Variants in ESF1 observed in about 807,000 individuals in gnomAD.
ESF1 encodes the protein ESF1 homolog.
Under a neutral mutation model 92.0 loss-of-function variants are expected in ESF1, and 58 were observed. That is an observed-to-expected ratio of 0.63 (90% CI 0.51 to 0.78). The LOEUF (loss-of-function observed/expected upper bound fraction) is 0.78, where lower values mean the gene tolerates loss of function less well. ESF1 is among the 30% of genes least tolerant of loss of function. ESF1 has a pLI of 0.00. For missense variants in ESF1, 922 were observed against 989.1 expected, an observed-to-expected ratio of 0.93 and a Z score of 0.91; for synonymous variants, 321 against 313.7, an observed-to-expected ratio of 1.02 and a Z score of -0.24.
intron 4 of ESF1, 141 bp downstream of exon 4, chr20:13,775,016 A>G (rs900415152): frequency 4.4e-5 from 25 of 569,850 alleles, no homozygotes; most frequent in Middle Eastern, 4.5e-4. Context: ...TACCTGTTAC[A>G]TAAGTTTCAC....
Position 13,782,617 on chromosome 20 carries a change from T to C in ESF1, c.524A>G (p.His175Arg), listed in dbSNP as rs79852288. 1.5e-4 allele frequency: 244 copies of C among 1,607,642 alleles called. 1 individual carries two copies. In the African/African-American group the frequency reaches 2.9e-3, roughly 19 times the overall value. The stretch of plus-strand genomic sequence containing the variant: ...TTCTTCGAGAGAAGAGTCTGTAGTA[T>C]GTTGAACAATGTTTTTTTTCTCTTT... ...NKKEKKNIVQHTTDSSLEEKQ... is the reference protein window; with the variant it reads ...NKKEKKNIVQRTTDSSLEEKQ... The change falls in exon 2 of 14, where the codon CAT becomes CGT. Residue 175 changes from histidine (H) to arginine (R), a missense_variant. Coordinates refer to ENST00000617257, the MANE Select transcript of ESF1 (RefSeq NM_001276380.2).
intron 5 of ESF1, among the ~76,000 whole-genome samples, 183 bp downstream of exon 5, chr20:13,772,332 C>T (rs933952667): frequency 2.6e-5 from 4 of 152,062 alleles, no homozygotes; most frequent in Admixed American, 1.3e-4. Context: ...GAAATATACA[C>T]GAACAAAAAT....
In ESF1 at chr20:13,714,937, C is replaced by T. The variant is rs200681018; in HGVS notation, c.2493G>A (p.Leu831=). 1.2e-6 allele frequency: 2 copies of T among 1,613,544 alleles called. No individual in the cohort carries two copies. Among genetic ancestry groups the T allele is most frequent in the East Asian group, 4.5e-5 (2 of 44,864 alleles). The change falls in exon 14 of 14, where the codon TTG becomes TTA. Residue 831 remains leucine, a synonymous_variant. Transcript: ENST00000617257. ...CTGTTTTGGTTTTTATAGATTTAAT[C>T]AACATTGACAAAGCAGGATCAATGG... is the stretch of plus-strand genomic sequence containing the variant. The part of the protein sequence containing the change: ...RKSIDPALSM[L]IKSIKTKTEQ...
chr20:13,720,237 T>C (rs4813138), intron 11 of ESF1, among the ~76,000 whole-genome samples: 34,002 of 151,970 alleles, frequency 0.22, 4,612 homozygotes, highest in East Asian at 0.6. Flanking sequence ...AAACACCCAA[T>C]ACTGCCCTGC....
At chr20:13,744,644 C>A (rs948869191) in intron 9 of ESF1, among the ~76,000 whole-genome samples, 3 of 152,166 alleles carry the variant, frequency 2.0e-5, no homozygotes, top group Admixed American at 6.5e-5. Flanking sequence ...AGTAATGTTT[C>A]CCCCTCAGGG....
intron 9 of ESF1, among the ~76,000 whole-genome samples, chr20:13,747,780 G>C (rs1397279052): frequency 2.0e-5 from 3 of 152,080 alleles, no homozygotes; most frequent in African/African-American, 7.2e-5. Context: ...ATGGTGTGTA[G>C]CTTACCACAC....
intron 9 of ESF1, among the ~76,000 whole-genome samples, chr20:13,754,725 C>G (rs1305003777): frequency 2.6e-5 from 4 of 152,148 alleles, no homozygotes; most frequent in Admixed American, 2.0e-4. Flanking sequence ...CAAGAATGAT[C>G]CTGTTAAATA....
At chr20:13,732,041 G>A (rs1359776783) in intron 10 of ESF1, among the ~76,000 whole-genome samples, 2 of 152,174 alleles carry the variant, frequency 1.3e-5, no homozygotes, top group Admixed American at 1.3e-4. Flanking sequence ...AAGGTCTGTG[G>A]CCACTCCAGC....
intron 9 of ESF1, among the ~76,000 whole-genome samples, chr20:13,741,749 T>A (rs1424409049): frequency 6.6e-6 from 1 of 152,184 alleles, no homozygotes; most frequent in Non-Finnish European, 1.5e-5. Flanking sequence ...ACAGCAAATA[T>A]TAACTATAAA....
intron 11 of ESF1, among the ~76,000 whole-genome samples, chr20:13,722,513 A>G (rs1188119943): frequency 6.6e-6 from 1 of 152,192 alleles, no homozygotes; most frequent in Non-Finnish European, 1.5e-5. Context: ...TTGTGTTCTA[A>G]AATATTGTCT....
intron 1 of ESF1, 41 bp from the exon 2 acceptor site, chr20:13,783,224 G>T: frequency 7.6e-7 from 1 of 1,319,808 alleles, no homozygotes; most frequent in Non-Finnish European, 1.0e-6. Flanking sequence ...ATAATGGTTA[G>T]TACAATAATT....
rs74449642 is a variant in ESF1 at position 13,754,106 on chromosome 20, T to C, written c.1828+5586A>G. Among the ~76,000 whole-genome samples the C allele has an allele frequency of 2.4e-3, 362 of 152,316 alleles. 7 individuals are homozygous for C. The East Asian group carries it at 0.054, about 23-fold the overall frequency. ...AAGAGTTGCCTCTACTTACTGTCTCTAATTCTTCTCTTCCCATTCTTCCTT... is the reference window on the plus strand; with the variant it reads ...AAGAGTTGCCTCTACTTACTGTCTCCAATTCTTCTCTTCCCATTCTTCCTT... On this transcript the variant is annotated intron_variant, in intron 9 of 13. Coordinates refer to ENST00000617257, the MANE Select transcript of ESF1 (RefSeq NM_001276380.2).
At chr20:13,729,515 A>T (rs373930061) in intron 10 of ESF1, among the ~76,000 whole-genome samples, 1 of 152,334 alleles carries the variant, frequency 6.6e-6, no homozygotes, top group African/African-American at 2.4e-5. Flanking sequence ...ATACTTTTAG[A>T]TGGGTGATCA....
chr20:13,779,825 G>A (rs1211853779), intron 2 of ESF1, among the ~76,000 whole-genome samples: 1 of 152,198 alleles, frequency 6.6e-6, no homozygotes, highest in Non-Finnish European at 1.5e-5. Flanking sequence ...GTGAGCCACT[G>A]TGCCCAGCCA....
At chr20:13,763,033 TTG>T (rs1186442830) in intron 8 of ESF1, among the ~76,000 whole-genome samples, 1 of 152,000 alleles carries the variant, frequency 6.6e-6, no homozygotes, top group African/African-American at 2.4e-5. Context: ...GCTAATTTTT[TTG>T]TGTTTTTAGT....
At position 13,715,593 on chromosome 20, in the gene ESF1, A is replaced by C. The variant is rs373960289; in HGVS notation, c.2263-426T>G. 3.3e-5 allele frequency among the ~76,000 whole-genome samples: 5 copies of C among 152,228 alleles called. No individual in the cohort carries two copies. The East Asian group carries it at 9.6e-4, about 29-fold the overall frequency. ...GGCCCTGAACTCTGAGTACATGTTAAGAAATTTTAATCTTGGTGCCAAAAT... is the reference window on the plus strand; with the variant it reads ...GGCCCTGAACTCTGAGTACATGTTACGAAATTTTAATCTTGGTGCCAAAAT... On this transcript the variant is annotated intron_variant, in intron 13 of 13. Transcript: ENST00000617257.
rs973962854 is a variant in ESF1, at chr20:13,760,967, A to C, written c.1667-1114T>G. Among the ~76,000 whole-genome samples the C allele has an allele frequency of 4.7e-3, 712 of 152,310 alleles. 7 individuals are homozygous for C. Among genetic ancestry groups the C allele is most frequent in the African/African-American group, 0.015 (617 of 41,572 alleles). On this transcript the variant is annotated intron_variant, in intron 8 of 13. Transcript: ENST00000617257. ...GGGAAAGGTGGGGAAAAGACTGAGA[A>C]ATCGGATGGTTGCTGTGTCTGTGTA...
chr20:13,762,190 A>G (rs930504980), intron 8 of ESF1, among the ~76,000 whole-genome samples: 5 of 152,190 alleles, frequency 3.3e-5, no homozygotes, highest in African/African-American at 1.2e-4. Context: ...CTGGTTAAGT[A>G]AATATTTCTA....
At chr20:13,771,816 A>T (rs941375887) in intron 5 of ESF1, among the ~76,000 whole-genome samples, 7 of 152,234 alleles carry the variant, frequency 4.6e-5, no homozygotes, top group African/African-American at 1.7e-4. Context: ...CTATTATAAA[A>T]TATGCTAGAA....
Sources: gnomAD v4.1 joint callset for allele counts (sites outside exome capture counted in the v4.1 genomes callset) on GRCh38, gnomAD v4.1.1 for gene constraint, MANE v1.5 for transcripts, NCBI Gene and HGNC (gene_info 2026-07-23, HGNC 2026-07-21) for gene names.